Variants in FXR2 observed in about 807,000 individuals in gnomAD.
The protein encoded by FXR2 is RNA-binding protein FXR2.
In FXR2, 9 loss-of-function variants were observed where a neutral mutation model predicts 87.3. The observed-to-expected ratio is 0.10, with a 90% CI of 0.06 to 0.18. FXR2 has a LOEUF of 0.18. Among genes scored for constraint, FXR2 ranks in the 10% least tolerant of loss-of-function variants. FXR2 has a pLI of 1.00. For missense variants in FXR2, 661 were observed against 893.6 expected, an observed-to-expected ratio of 0.74 and a Z score of 3.32; for synonymous variants, 331 against 328.3, an observed-to-expected ratio of 1.01 and a Z score of -0.09.
In FXR2 at chr17:7,592,300, G is replaced by C. The variant is rs2071669009; in HGVS notation, c.1880C>G (p.Pro627Arg). ...TTCTGAGGGTTTAGTGCGTTCCAGGGGTGGCCTCTGGCGGCTCTGAGACTC... is the reference window on the plus strand; with the variant it reads ...TTCTGAGGGTTTAGTGCGTTCCAGGCGTGGCCTCTGGCGGCTCTGAGACTC... ...RAESQSRQRP[P>R]LERTKPSEDS... is the part of the protein sequence containing the mutation. Residue 627 changes from proline to arginine, a missense_variant, in exon 16 of 17, where the codon CCC becomes CGC. Coordinates refer to ENST00000250113, the MANE Select transcript of FXR2 (RefSeq NM_004860.4). The surrounding 1 kb of genome is among the most constrained non-coding windows in gnomAD (Gnocchi z 4.8). The C allele has an allele frequency of 6.2e-7, 1 of 1,613,418 alleles. No homozygotes were observed. The highest frequency in any genetic ancestry group is 1.3e-5 in the African/African-American group (1 of 75,004).
intron 1 of FXR2, among the ~76,000 whole-genome samples, chr17:7,610,086 C>A (rs764816079): frequency 6.7e-6 from 1 of 149,980 alleles, no homozygotes. Flanking sequence ...ATTAGCCAGG[C>A]GTGGTGGCAC....
chr17:7,605,710 C>T lies in FXR2; in HGVS notation c.163G>A (p.Gly55Arg). 3 of 1,591,814 alleles carry T rather than the reference C, an allele frequency of 1.9e-6. No homozygotes were observed. Among genetic ancestry groups the T allele is most frequent in the Admixed American group, 3.4e-5 (2 of 59,592 alleles). The change falls in exon 3 of 17, where the codon GGG becomes AGG. Residue 55 changes from glycine (G) to arginine (R), a missense_variant. By Grantham distance (125) the Gly-to-Arg change is moderately radical. Transcript: ENST00000250113. ...GCTGGAGGTGGTAGCCGGACATCCC[C>T]AAAAGGAATTTGTCTCTCACTCTGC... is the stretch of plus-strand genomic sequence containing the variant. ...NWQSERQIPF[G>R]DVRLPPPADY... is the part of the protein sequence containing the mutation.
In FXR2 at chr17:7,614,732, G is replaced by A; in HGVS notation, c.-200C>T. The A allele has an allele frequency of 1.5e-5, 4 of 261,778 alleles. No individual in the cohort carries two copies. Among genetic ancestry groups the A allele is most frequent in the Non-Finnish European group, 2.8e-5 (4 of 140,574 alleles). 16.2% of individuals were successfully genotyped at this position (261,778 alleles called of 1,614,324 possible). A position where few individuals can be genotyped will look rare whatever the true frequency, so the allele number is the denominator to read the frequency against. On this transcript the variant is annotated 5_prime_UTR_variant, in exon 1 of 17. Transcript: ENST00000250113. ...GCCGGGCCGCTCCCCGTCCGCCGCC[G>A]CCGCCTTGGTCTCCGCCACCGTGAG...
intron 1 of FXR2, 130 bp from the exon 2 acceptor site, chr17:7,606,279 G>A (rs2071802259): frequency 1.6e-6 from 1 of 640,650 alleles, no homozygotes; most frequent in Non-Finnish European, 2.7e-6. Context: ...GGTGTAATGA[G>A]ACAGCCTGAA....
At chr17:7,603,503 G>C (rs2150944926) in intron 5 of FXR2, among the ~76,000 whole-genome samples, 1 of 149,188 alleles carries the variant, frequency 6.7e-6, no homozygotes, top group Non-Finnish European at 1.5e-5. Flanking sequence ...CTCCAGCCTG[G>C]GCAACAAGAG....
Position 7,592,883 on chromosome 17 carries a change from G to A in FXR2, c.1540C>T (p.Pro514Ser). The change falls in exon 14 of 17, where the codon CCA becomes TCA. Residue 514 changes from proline (P) to serine (S), a missense_variant. Coordinates refer to ENST00000250113, the MANE Select transcript of FXR2 (RefSeq NM_004860.4). The surrounding 1 kb of genome is among the most constrained non-coding windows in gnomAD (Gnocchi z 4.8). ...SSSISSVLKDPDSNPYSLLDT... is the reference protein window; with the variant it reads ...SSSISSVLKDSDSNPYSLLDT... Reference sequence around the variant, plus strand: ...AATAGGCTGTAGGGATTACTGTCTGGATCCTTCAGCACTGGTCAGAGGAAG... The same window carrying A: ...AATAGGCTGTAGGGATTACTGTCTGAATCCTTCAGCACTGGTCAGAGGAAG... 6.3e-7 allele frequency: 1 copy of A among 1,583,274 alleles called. No homozygotes were observed. Among genetic ancestry groups the A allele is most frequent in the Non-Finnish European group, 8.6e-7 (1 of 1,163,552 alleles).
chr17:7,611,464 C>CA (rs2071864005), intron 1 of FXR2, among the ~76,000 whole-genome samples: 1 of 152,068 alleles, frequency 6.6e-6, no homozygotes, highest in African/African-American at 2.4e-5. Flanking sequence ...AGTCAGGAGT[C>CA]AGAAACCAGC....
rs2071670728 is a variant in FXR2, at chr17:7,592,443, G to A, written c.1825+61C>T. 1 of 1,563,920 alleles carries A rather than the reference G, an allele frequency of 6.4e-7. No homozygotes were observed. The highest frequency in any genetic ancestry group is 8.8e-7 in the Non-Finnish European group (1 of 1,134,368). On this transcript the variant is annotated intron_variant, in intron 15 of 16. Coordinates refer to ENST00000250113, the MANE Select transcript of FXR2 (RefSeq NM_004860.4). This position sits in a 1 kb window ranked among gnomAD's most constrained non-coding sequence, Gnocchi z 4.8. Reference sequence around the variant, plus strand: ...TGAACCCGAACCCCTGATTTTCACAGGGGTGAGCATCCCATTCTCTCAGCT... The same window carrying A: ...TGAACCCGAACCCCTGATTTTCACAAGGGTGAGCATCCCATTCTCTCAGCT...
chr17:7,606,566 G>C (rs1031442388), intron 1 of FXR2, among the ~76,000 whole-genome samples: 2 of 152,190 alleles, frequency 1.3e-5, no homozygotes, highest in African/African-American at 4.8e-5. Context: ...TCTGTCGAGA[G>C]AGAAGGGCCT....
chr17:7,603,208 G>T (rs1447678847), intron 5 of FXR2, among the ~76,000 whole-genome samples: 1 of 151,314 alleles, frequency 6.6e-6, no homozygotes, highest in Non-Finnish European at 1.5e-5. Context: ...AAAATTCAGA[G>T]AAGCAGGGCT....
In FXR2 at chr17:7,591,454, G is replaced by C. The variant is rs2071658865; in HGVS notation, c.*376C>G. Reference sequence around the variant, plus strand: ...GAGGCCCCAGAAATGGGGGGTACAGGATGGGAGGAGGGATAGCAGGGGAGG... The same window carrying C: ...GAGGCCCCAGAAATGGGGGGTACAGCATGGGAGGAGGGATAGCAGGGGAGG... On this transcript the variant is annotated 3_prime_UTR_variant, in exon 17 of 17. Coordinates refer to ENST00000250113, the MANE Select transcript of FXR2 (RefSeq NM_004860.4). This position sits in a 1 kb window ranked among gnomAD's most constrained non-coding sequence, Gnocchi z 4.0. 3.9e-6 allele frequency: 1 copy of C among 259,358 alleles called. No individual in the cohort carries two copies. The highest frequency in any genetic ancestry group is 2.3e-5 in the African/African-American group (1 of 43,294). 16.1% of individuals were successfully genotyped at this position (259,358 alleles called of 1,614,324 possible). A position where few individuals can be genotyped will look rare whatever the true frequency, so the allele number is the denominator to read the frequency against.
chr17:7,614,359 C>A, intron 1 of FXR2, 93 bp downstream of exon 1: 1 of 931,038 alleles, frequency 1.1e-6, no homozygotes, highest in South Asian at 1.6e-5. Flanking sequence ...GGCCAGGACT[C>A]AGCTCCAGAA....
Position 7,602,977 on chromosome 17 carries a change from CT to C in FXR2, c.474del (p.Glu159SerfsTer30). ...REACSNENVH[K>X]EFKKALGANC... ...TTGGCTCCCAGGGCTTTCTTGAACT[CT>C]TTATGGACGTTTTCATTGGAGCAGC... On this transcript the variant is annotated frameshift_variant, in exon 6 of 17. Coordinates refer to ENST00000250113, the MANE Select transcript of FXR2 (RefSeq NM_004860.4). LOFTEE classifies it high-confidence loss of function. 1 of 1,586,778 alleles carries C rather than the reference CT, an allele frequency of 6.3e-7. No homozygotes were observed. The highest frequency in any genetic ancestry group is 8.6e-7 in the Non-Finnish European group (1 of 1,156,954).
At chr17:7,600,190 C>T (rs932224253) in intron 7 of FXR2, among the ~76,000 whole-genome samples, 1 of 151,582 alleles carries the variant, frequency 6.6e-6, no homozygotes, top group Non-Finnish European at 1.5e-5. Flanking sequence ...TGGGCCACCG[C>T]GCCCAGTCAT....
chr17:7,604,229 C>T (rs2071783359), intron 3 of FXR2, 149 bp from the exon 4 acceptor site: 1 of 647,280 alleles, frequency 1.5e-6, no homozygotes, highest in Admixed American at 2.6e-5. Flanking sequence ...CCCAGGAGTT[C>T]AAGACCAGCT....
chr17:7,613,358 C>A (rs565775723), intron 1 of FXR2, among the ~76,000 whole-genome samples: 1 of 151,998 alleles, frequency 6.6e-6, no homozygotes, highest in Non-Finnish European at 1.5e-5. Flanking sequence ...TACCAACAGT[C>A]ACACAAAGAA....
intron 4 of FXR2, 44 bp downstream of exon 4, chr17:7,603,965 A>G (rs779218368): frequency 2.9e-5 from 47 of 1,608,590 alleles, no homozygotes; most frequent in East Asian, 4.5e-5. Context: ...TATGAATAAC[A>G]TATTTGTTTC....
At chr17:7,610,005 CATAT>C (rs113172845) in intron 1 of FXR2, among the ~76,000 whole-genome samples, 9 of 98,694 alleles carry the variant, frequency 9.1e-5, no homozygotes, top group East Asian at 5.7e-4. Context: ...TATATGTATA[CATAT>C]ATATATACAT....
chr17:7,607,044 C>A (rs1464873669), intron 1 of FXR2, among the ~76,000 whole-genome samples: 2 of 152,202 alleles, frequency 1.3e-5, no homozygotes, highest in African/African-American at 4.8e-5. Context: ...CCAGGCCAGG[C>A]ACAGTGGCTC....
Sources: allele counts gnomAD v4.1 joint callset (sites outside exome capture counted in the v4.1 genomes callset), GRCh38; gene constraint gnomAD v4.1.1; non-coding constraint Gnocchi (gnomAD v3.1); transcripts MANE v1.5; gene names NCBI Gene and HGNC (gene_info 2026-07-23, HGNC 2026-07-21).